KIAA0753: variants seen among roughly 807,000 people sequenced by gnomAD.
KIAA0753 encodes the protein protein moonraker.
Under a neutral mutation model 116.9 loss-of-function variants are expected in KIAA0753, and 114 were observed. The ratio of observed to expected loss-of-function variants is 0.98; its 90% confidence interval spans 0.84 to 1.14. The LOEUF is 1.14. Ranked by LOEUF, KIAA0753 falls within the 50% of genes most tolerant of loss-of-function variation. The pLI is 0.00. For synonymous variants in KIAA0753, 405 were observed against 413.1 expected (o/e 0.98, Z 0.24); for missense variants, 1,156 against 1,172.4 (o/e 0.99, Z 0.20).
Position 6,596,150 on chromosome 17 carries a change from G to C in KIAA0753, c.2358+8C>G, listed in dbSNP as rs139867794. 3.1e-4 allele frequency: 501 copies of C among 1,611,756 alleles called. 3 individuals carry two copies. In the Middle Eastern group the frequency reaches 6.9e-3, roughly 22 times the overall value. On this transcript the variant is annotated splice_region_variant and intron_variant, in intron 15 of 18. Transcript: ENST00000361413. ...GCAGCGAACCAGACCCGGAGCCCCA[G>C]ACCTTACTTCCATCTCTTCCATTCG...
intron 2 of KIAA0753, among the ~76,000 whole-genome samples, chr17:6,634,416 A>T (rs1972188086): frequency 6.6e-6 from 1 of 152,196 alleles, no homozygotes; most frequent in Non-Finnish European, 1.5e-5. Flanking sequence ...AAACAGAGTG[A>T]ATTCTAATGT....
At chr17:6,624,532 GGC>G (rs1317704432) in intron 4 of KIAA0753, among the ~76,000 whole-genome samples, 1 of 99,140 alleles carries the variant, frequency 1.0e-5, no homozygotes, top group South Asian at 3.8e-4. Context: ...TAAGGAGTTT[GGC>G]GCCACACACA....
intron 10 of KIAA0753, 50 bp from the exon 11 acceptor site, chr17:6,607,320 G>T (rs532803623): frequency 1.4e-6 from 2 of 1,451,002 alleles, no homozygotes; most frequent in African/African-American, 2.8e-5. Flanking sequence ...ACACTGCAGG[G>T]TGTCATCATC....
chr17:6,630,398 A>G (rs1405561717), intron 2 of KIAA0753, among the ~76,000 whole-genome samples: 4 of 152,146 alleles, frequency 2.6e-5, no homozygotes, highest in Non-Finnish European at 4.4e-5. Flanking sequence ...GCAAATTGGC[A>G]TAATTCTTAT....
chr17:6,619,783 A>C (rs1201826912), intron 7 of KIAA0753, among the ~76,000 whole-genome samples: 1 of 152,230 alleles, frequency 6.6e-6, no homozygotes, highest in Non-Finnish European at 1.5e-5. Flanking sequence ...ACTTTACTGG[A>C]CTTGTCCATA....
In KIAA0753 at chr17:6,610,064, G is replaced by A; in HGVS notation, c.1642C>T (p.Gln548Ter). 6.2e-7 allele frequency: 1 copy of A among 1,614,150 alleles called. No individual in the cohort carries two copies. The highest frequency in any genetic ancestry group is 1.1e-5 in the South Asian group (1 of 91,084). ...TVSSRLKMNRQPVKDRKAPWI... is the reference protein window; with the variant it reads ...TVSSRLKMNR ...GGTGCCTTGCGGTCTTTCACAGGCT[G>A]CCGGTTCATTTTTAATCTGGATGAA... Residue 548 changes from glutamine to a stop codon, truncating the protein, a stop_gained, in exon 9 of 19, where the codon CAG (glutamine) becomes TAG (stop). Coordinates refer to ENST00000361413, the MANE Select transcript of KIAA0753 (RefSeq NM_014804.3). LOFTEE classifies it high-confidence loss of function.
chr17:6,596,230 G>T lies in KIAA0753; in HGVS notation c.2286C>A (p.Thr762=). Residue 762 remains threonine (T), a synonymous_variant, in exon 15 of 19, where the codon ACC becomes ACA. Transcript: ENST00000361413. ...CCTTGCTGTCCTCAACGGTGGCTAAGGTTTCAGACCCCAAGATCTTAGCAT... is the reference window on the plus strand; with the variant it reads ...CCTTGCTGTCCTCAACGGTGGCTAATGTTTCAGACCCCAAGATCTTAGCAT... ...VTHAKILGSE[T]LATVEDSKDS... The T allele has an allele frequency of 6.2e-7, 1 of 1,613,890 alleles. No homozygotes were observed. The highest frequency in any genetic ancestry group is 1.7e-5 in the Admixed American group (1 of 60,008).
At chr17:6,585,682 C>T (rs535112029) in intron 18 of KIAA0753, among the ~76,000 whole-genome samples, 1 of 152,090 alleles carries the variant, frequency 6.6e-6, no homozygotes, top group South Asian at 2.1e-4. Context: ...TCTTTTTATT[C>T]CCTGGAAGTT....
At chr17:6,596,852 T>C (rs1969522430) in intron 14 of KIAA0753, among the ~76,000 whole-genome samples, 1 of 152,220 alleles carries the variant, frequency 6.6e-6, no homozygotes, top group South Asian at 2.1e-4. Context: ...TGTTGTACAT[T>C]CAAAAAGCAC....
At chr17:6,589,552 A>G (rs891214455) in intron 18 of KIAA0753, among the ~76,000 whole-genome samples, 12 of 147,362 alleles carry the variant, frequency 8.1e-5, no homozygotes, top group African/African-American at 3.1e-4. Context: ...CTCTGCCTAG[A>G]AAAAGAAGGC....
Position 6,606,943 on chromosome 17 carries a change from C to T in KIAA0753, c.1939G>A (p.Glu647Lys). 1 of 1,614,062 alleles carries T rather than the reference C, an allele frequency of 6.2e-7. No homozygotes were observed. The highest frequency in any genetic ancestry group is 8.5e-7 in the Non-Finnish European group (1 of 1,179,948). The change falls in exon 12 of 19, where the codon GAA (glutamate) becomes AAA (lysine). Residue 647 changes from glutamate (E) to lysine (K), a missense_variant. Glu to Lys is a moderately conservative substitution (Grantham distance 56, BLOSUM62 1). Transcript: ENST00000361413. ...QKQRLDWLDA[E>K]TSRRTKELNE... ...AGTTCCTTTGTTCTTCTAGAAGTTT[C>T]AGCATCAAGCCAATCAAGCCTAGAG... is the stretch of plus-strand genomic sequence containing the variant.
At chr17:6,579,985 C>A in intron 18 of KIAA0753, 121 bp from the exon 19 acceptor site, 1 of 658,890 alleles carries the variant, frequency 1.5e-6, no homozygotes, top group South Asian at 1.7e-5. Flanking sequence ...GAGTTTGAGA[C>A]CAGCCTGGCC....
chr17:6,628,680 G>C lies in KIAA0753; in HGVS notation c.155C>G (p.Ser52Cys). Residue 52 changes from serine to cysteine, a missense_variant, in exon 3 of 19, where the codon TCT (serine) becomes TGT (cysteine). Ser to Cys is a moderately radical substitution (Grantham distance 112, BLOSUM62 -1). Coordinates refer to ENST00000361413, the MANE Select transcript of KIAA0753 (RefSeq NM_014804.3). ...THSSNLAIRY[S>C]CPHAIRIEKL... ...TTCAATTCTAATGGCATGTGGGCAA[G>C]AATATCGGATCGCCAAGTTGCTTGA... 6.2e-7 allele frequency: 1 copy of C among 1,613,860 alleles called. No homozygotes were observed. Among genetic ancestry groups the C allele is most frequent in the Non-Finnish European group, 8.5e-7 (1 of 1,179,908 alleles).
chr17:6,612,135 G>A lies in KIAA0753; in HGVS notation c.1329C>T (p.Pro443=), dbSNP rs745856829. The part of the protein sequence containing the change: ...AKQLLADKYQ[P]DTELPETQRL... The stretch of plus-strand genomic sequence containing the variant: ...TCTGGGTCTCCGGAAGCTCCGTATC[G>A]GGCTGATACTTATCTACATGGAAAT... The change falls in exon 8 of 19, where the codon CCC becomes CCT. Residue 443 remains proline, a synonymous_variant. Transcript: ENST00000361413. 9.3e-6 allele frequency: 15 copies of A among 1,605,012 alleles called. No individual in the cohort carries two copies. Among genetic ancestry groups the A allele is most frequent in the African/African-American group, 2.7e-5 (2 of 74,246 alleles).
intron 12 of KIAA0753, among the ~76,000 whole-genome samples, chr17:6,601,729 C>T (rs952039071): frequency 2.0e-5 from 3 of 152,052 alleles, no homozygotes; most frequent in Non-Finnish European, 4.4e-5. Context: ...AGAGAAAATC[C>T]TTGAGACACT....
intron 3 of KIAA0753, among the ~76,000 whole-genome samples, chr17:6,626,535 G>A (rs891732732): frequency 6.6e-6 from 1 of 152,098 alleles, no homozygotes; most frequent in Non-Finnish European, 1.5e-5. Flanking sequence ...GGCTTAGGTG[G>A]GGGGTTTGAA....
intron 1 of KIAA0753, chr17:6,638,405 C>T (rs61397535): frequency 0.17 from 25,546 of 153,108 alleles, 2,624 homozygotes; most frequent in African/African-American, 0.28. Flanking sequence ...TTTCCAGAGC[C>T]GGGCACACCC....
At chr17:6,600,235 CA>C (rs1969773235) in intron 13 of KIAA0753, 144 bp downstream of exon 13, 1 of 658,248 alleles carries the variant, frequency 1.5e-6, no homozygotes, top group South Asian at 1.8e-5. Context: ...GAGGGCATAT[CA>C]GTAGTGTGTG....
At chr17:6,581,685 A>G (rs2150718228) in intron 18 of KIAA0753, among the ~76,000 whole-genome samples, 1 of 152,272 alleles carries the variant, frequency 6.6e-6, no homozygotes, top group Non-Finnish European at 1.5e-5. Context: ...TTATGTATTC[A>G]TTCCTATCAG....
Sources: allele counts gnomAD v4.1 joint callset (sites outside exome capture counted in the v4.1 genomes callset), GRCh38; gene constraint gnomAD v4.1.1; transcripts MANE v1.5; gene names NCBI Gene and HGNC (gene_info 2026-07-23, HGNC 2026-07-21).